AGBL4: variants seen among roughly 807,000 people sequenced by gnomAD.
AGBL4 encodes the protein cytosolic carboxypeptidase 6.
Under a neutral mutation model 66.4 loss-of-function variants are expected in AGBL4, and 58 were observed. The observed-to-expected ratio is 0.87, with a 90% CI of 0.71 to 1.09. The LOEUF (loss-of-function observed/expected upper bound fraction) is 1.09, where lower values mean the gene tolerates loss of function less well. Ranked by LOEUF, AGBL4 falls within the 50% of genes least tolerant of loss-of-function variation. The pLI is 0.00. For synonymous variants in AGBL4, 234 were observed against 222.9 expected (o/e 1.05, Z -0.44); for missense variants, 579 against 631.0 (o/e 0.92, Z 0.88).
intron 5 of AGBL4, among the ~76,000 whole-genome samples, chr1:48,901,035 C>G (rs984633867): frequency 3.9e-5 from 6 of 152,016 alleles, no homozygotes; most frequent in Non-Finnish European, 7.4e-5. Context: ...AAAAAAGCAA[C>G]CTAATTTTAG....
Position 49,508,800 on chromosome 1 carries a change from G to C in AGBL4, c.282+188513C>G, listed in dbSNP as rs536094972. 1.3e-4 allele frequency among the ~76,000 whole-genome samples: 20 copies of C among 151,928 alleles called. No individual in the cohort carries two copies. In the South Asian group the frequency reaches 2.7e-3, roughly 20 times the overall value. On this transcript the variant is annotated intron_variant, in intron 3 of 13. Transcript: ENST00000371839. ...AAAAATGAGGTATATAAAGCATCAG[G>C]CATGGCTAATAGTTTCCTTCTTTTC...
intron 3 of AGBL4, among the ~76,000 whole-genome samples, chr1:49,304,581 C>A (rs1276919932): frequency 6.6e-6 from 1 of 152,090 alleles, no homozygotes; most frequent in Non-Finnish European, 1.5e-5. Context: ...CAATGCCCAA[C>A]TATGCCTAAA....
At chr1:49,285,839 G>A (rs2148414928) in intron 3 of AGBL4, among the ~76,000 whole-genome samples, 1 of 152,204 alleles carries the variant, frequency 6.6e-6, no homozygotes, top group Non-Finnish European at 1.5e-5. Context: ...AGAAAAAGAG[G>A]GAATCCTCCC....
chr1:49,677,125 C>A (rs1646595703), intron 3 of AGBL4, among the ~76,000 whole-genome samples: 2 of 152,076 alleles, frequency 1.3e-5, no homozygotes, highest in Non-Finnish European at 2.9e-5. Context: ...TTGCTCTCTT[C>A]TCCTGACATA....
chr1:49,695,312 C>T (rs1172602063), intron 3 of AGBL4, among the ~76,000 whole-genome samples: 1 of 151,958 alleles, frequency 6.6e-6, no homozygotes, highest in African/African-American at 2.4e-5. Context: ...GAGACAGGAA[C>T]ATTAACAAAA....
chr1:48,713,716 C>A (rs1400471217), intron 6 of AGBL4, among the ~76,000 whole-genome samples: 2 of 152,156 alleles, frequency 1.3e-5, no homozygotes, highest in African/African-American at 4.8e-5. Context: ...AAGGAAGAGG[C>A]TAGGTGCAGA....
At chr1:49,119,032 T>A (rs1425026413) in intron 4 of AGBL4, among the ~76,000 whole-genome samples, 2 of 152,226 alleles carry the variant, frequency 1.3e-5, no homozygotes, top group South Asian at 2.1e-4. Flanking sequence ...TTCTGTGGGA[T>A]TGGTGGTGAT....
At chr1:49,936,323 A>T (rs2148278689) in intron 1 of AGBL4, among the ~76,000 whole-genome samples, 1 of 152,312 alleles carries the variant, frequency 6.6e-6, no homozygotes, top group South Asian at 2.1e-4. Flanking sequence ...GCCTCCAAGA[A>T]ATATGGGACT....
chr1:49,556,177 C>T (rs1223927281), intron 3 of AGBL4, among the ~76,000 whole-genome samples: 1 of 152,146 alleles, frequency 6.6e-6, no homozygotes, highest in Admixed American at 6.6e-5. Context: ...GGCACATATA[C>T]ACCATGGAAT....
chr1:48,825,119 C>T (rs1646398094), intron 6 of AGBL4, among the ~76,000 whole-genome samples: 1 of 152,118 alleles, frequency 6.6e-6, no homozygotes, highest in Non-Finnish European at 1.5e-5. Context: ...AACATACCGG[C>T]AGGGGTAGCT....
At chr1:49,025,149 G>A (rs937282460) in intron 5 of AGBL4, among the ~76,000 whole-genome samples, 18 of 152,122 alleles carry the variant, frequency 1.2e-4, no homozygotes, top group African/African-American at 3.1e-4. Context: ...TGCCTTGAAC[G>A]TACTCAGTTA....
intron 6 of AGBL4, among the ~76,000 whole-genome samples, chr1:48,858,090 A>G (rs1647223211): frequency 6.6e-6 from 1 of 152,182 alleles, no homozygotes; most frequent in Non-Finnish European, 1.5e-5. Flanking sequence ...ATTTGTTATC[A>G]TTAGACATCA....
rs1644029290 is a variant in AGBL4, at chr1:48,539,573, G to A, written c.1364+69C>T. ...ATGCTGAGTGTCAGCAAAAGGCTAAGGGAAGTTGCCCCTGAATACAGCCCG... is the reference window on the plus strand; with the variant it reads ...ATGCTGAGTGTCAGCAAAAGGCTAAAGGAAGTTGCCCCTGAATACAGCCCG... On this transcript the variant is annotated intron_variant, in intron 12 of 13. Transcript: ENST00000371839. 4.0e-6 allele frequency: 5 copies of A among 1,259,542 alleles called. No individual in the cohort carries two copies. The East Asian group carries it at 1.4e-4, about 35-fold the overall frequency. 78.0% of individuals were successfully genotyped at this position (1,259,542 alleles called of 1,614,324 possible). A position where few individuals can be genotyped will look rare whatever the true frequency, so the allele number is the denominator to read the frequency against.
chr1:48,538,329 C>T (rs996008725), intron 12 of AGBL4, among the ~76,000 whole-genome samples: 9 of 152,188 alleles, frequency 5.9e-5, no homozygotes, highest in African/African-American at 2.2e-4. Context: ...TGAGCATCTA[C>T]TAGCTGCTGG....
chr1:48,932,750 T>C (rs1435264133), intron 5 of AGBL4, among the ~76,000 whole-genome samples: 1 of 152,316 alleles, frequency 6.6e-6, no homozygotes, highest in East Asian at 1.9e-4. Context: ...AGGTTACCTT[T>C]CTGCTGTGAA....
In AGBL4 at chr1:49,017,509, T is replaced by G. The variant is rs558265310; in HGVS notation, c.594+28075A>C. 2.0e-5 allele frequency among the ~76,000 whole-genome samples: 3 copies of G among 152,254 alleles called. No homozygotes were observed. The East Asian group carries it at 5.8e-4, about 29-fold the overall frequency. On this transcript the variant is annotated intron_variant, in intron 5 of 13. Coordinates refer to ENST00000371839, the MANE Select transcript of AGBL4 (RefSeq NM_032785.4). ...AATGGAGATATTTGGAGTTCAAACA[T>G]GTAAATAATTTTGAGCCCCTGAATA...
At chr1:49,381,870 T>C (rs904677346) in intron 3 of AGBL4, among the ~76,000 whole-genome samples, 1 of 146,556 alleles carries the variant, frequency 6.8e-6, no homozygotes, top group African/African-American at 2.5e-5. Context: ...GGGGGAGGGA[T>C]AGCTTTAGGA....
chr1:49,115,608 G>C (rs889202868), intron 4 of AGBL4, among the ~76,000 whole-genome samples: 1 of 152,146 alleles, frequency 6.6e-6, no homozygotes, highest in African/African-American at 2.4e-5. Context: ...GAGAGAGGGA[G>C]AGATAGAAAG....
intron 4 of AGBL4, among the ~76,000 whole-genome samples, chr1:49,229,024 A>T (rs1033463874): frequency 1.3e-5 from 2 of 152,140 alleles, no homozygotes; most frequent in Non-Finnish European, 2.9e-5. Context: ...TTTTCCAAAC[A>T]CACCATGCTG....
Sources: allele counts gnomAD v4.1 joint callset (sites outside exome capture counted in the v4.1 genomes callset), GRCh38; gene constraint gnomAD v4.1.1; transcripts MANE v1.5; gene names NCBI Gene and HGNC (gene_info 2026-07-23, HGNC 2026-07-21).